The following FGL1 variants were observed in gnomAD, a reference collection of about 807,000 sequenced individuals.
FGL1 encodes fibrinogen like 1.
A neutral mutation model predicts 43.7 loss-of-function variants in FGL1; 59 were observed. The observed-to-expected ratio is 1.35, with a 90% CI of 1.10 to 1.68. The LOEUF (loss-of-function observed/expected upper bound fraction) is 1.68. Among genes scored for constraint, FGL1 ranks in the 40% most tolerant of loss-of-function variants. The probability of loss-of-function intolerance (pLI) is 0.00; values close to 1 mark genes in which losing one functional copy is unlikely to be tolerated. For synonymous variants in FGL1, 192 were observed against 126.5 expected (o/e 1.52, Z -3.48); for missense variants, 596 against 373.0 (o/e 1.60, Z -4.92).
chr8:17,886,721 G>A (rs2053633829), intron 1 of FGL1, among the ~76,000 whole-genome samples: 1 of 152,106 alleles, frequency 6.6e-6, no homozygotes, highest in African/African-American at 2.4e-5. Flanking sequence ...TCGTGCCAAT[G>A]CACTCCAGCC....
At chr8:17,874,332 A>T (rs1323001750) in intron 4 of FGL1, 30 bp downstream of exon 4, 4 of 1,596,586 alleles carry the variant, frequency 2.5e-6, no homozygotes, top group Non-Finnish European at 3.4e-6. Flanking sequence ...TTGCTGCTAC[A>T]TATAAAGTCT....
At chr8:17,877,892 G>A (rs1272109735) in intron 3 of FGL1, among the ~76,000 whole-genome samples, 2 of 152,128 alleles carry the variant, frequency 1.3e-5, no homozygotes, top group East Asian at 3.9e-4. Context: ...CTATAATAAT[G>A]TCCATAGATA....
At chr8:17,875,289 T>G (rs1354965961) in intron 3 of FGL1, among the ~76,000 whole-genome samples, 1 of 152,204 alleles carries the variant, frequency 6.6e-6, no homozygotes, top group East Asian at 1.9e-4. Context: ...TGTCAAAATC[T>G]TATAATCTCT....
At chr8:17,877,306 G>C (rs1298604980) in intron 3 of FGL1, among the ~76,000 whole-genome samples, 1 of 152,122 alleles carries the variant, frequency 6.6e-6, no homozygotes, top group Non-Finnish European at 1.5e-5. Flanking sequence ...CCTGCCTTCT[G>C]TTTTGACAAA....
chr8:17,882,853 T>TCTC (rs1227350426), intron 2 of FGL1, among the ~76,000 whole-genome samples: 12 of 118,526 alleles, frequency 1.0e-4, no homozygotes, highest in African/African-American at 4.4e-4. Flanking sequence ...ATATAATATA[T>TCTC]ATCATATATA....
At chr8:17,876,738 C>A (rs1042335799) in intron 3 of FGL1, among the ~76,000 whole-genome samples, 1 of 152,142 alleles carries the variant, frequency 6.6e-6, no homozygotes, top group East Asian at 1.9e-4. Flanking sequence ...TAAAGACTCA[C>A]AAGGATCAAA....
intron 7 of FGL1, 121 bp downstream of exon 7, chr8:17,868,427 A>T: frequency 1.4e-6 from 1 of 708,674 alleles, no homozygotes; most frequent in Non-Finnish European, 2.0e-6. Flanking sequence ...GAGAATGATT[A>T]CTTAATAATA....
At chr8:17,884,580 C>T (rs958974164) in intron 2 of FGL1, among the ~76,000 whole-genome samples, 1 of 152,106 alleles carries the variant, frequency 6.6e-6, no homozygotes, top group Non-Finnish European at 1.5e-5. Context: ...TTGCTTAGCA[C>T]CTTGAGTCAC....
rs549559008 is a variant in FGL1, at chr8:17,875,643, C to T, written c.245-1122G>A. On this transcript the variant is annotated intron_variant, in intron 3 of 7. Coordinates refer to ENST00000427924, the MANE Select transcript of FGL1 (RefSeq NM_004467.4). ...CCTTTGAGACAGAGTCTTGCTCTTT[C>T]GCCCAGGCTGGAGTGCAATGGTGCT... Among the ~76,000 whole-genome samples the T allele has an allele frequency of 2.2e-4, 34 of 151,126 alleles. No individual in the cohort carries two copies. The South Asian group carries it at 3.6e-3, about 16-fold the overall frequency.
At chr8:17,884,634 G>C (rs1457186897) in intron 2 of FGL1, among the ~76,000 whole-genome samples, 1 of 152,118 alleles carries the variant, frequency 6.6e-6, no homozygotes, top group African/African-American at 2.4e-5. Context: ...TGGTGTCTGG[G>C]TCCTGAGTTG....
intron 3 of FGL1, among the ~76,000 whole-genome samples, chr8:17,875,527 CTT>C (rs1370969896): frequency 0.014 from 166 of 12,028 alleles, 13 homozygotes; most frequent in African/African-American, 0.04. Context: ...TTCTTTCTTT[CTT>C]TCTTTCTCTT....
rs1249928844 is a variant in FGL1, at chr8:17,895,522, A to T, written c.-93T>A. 1 of 1,287,344 alleles carries T rather than the reference A, an allele frequency of 7.8e-7. No homozygotes were observed. The highest frequency in any genetic ancestry group is 2.3e-5 in the Admixed American group (1 of 43,468). 79.7% of individuals were successfully genotyped at this position (1,287,344 alleles called of 1,614,324 possible). On this transcript the variant is annotated 5_prime_UTR_variant, in exon 1 of 8. An upstream start codon of the reference 5' UTR is lost. Transcript: ENST00000427924. ...CTGCTTCCCAGGATCCTGTAACTGC[A>T]TTGGGAATTTGTAATTATTTCTCCA...
chr8:17,880,284 C>A (rs1422388726), intron 3 of FGL1, among the ~76,000 whole-genome samples: 1 of 152,076 alleles, frequency 6.6e-6, no homozygotes, highest in Admixed American at 6.6e-5. Flanking sequence ...AGATAAGGAT[C>A]TTGGTAGAAA....
chr8:17,869,987 G>A (rs909566285), intron 5 of FGL1, among the ~76,000 whole-genome samples: 2 of 152,140 alleles, frequency 1.3e-5, no homozygotes, highest in African/African-American at 4.8e-5. Context: ...GCGGGCACCT[G>A]TAGTCCCAGC....
intron 5 of FGL1, among the ~76,000 whole-genome samples, chr8:17,870,502 G>T (rs1295748646): frequency 1.3e-5 from 2 of 152,138 alleles, no homozygotes; most frequent in African/African-American, 4.8e-5. Context: ...GGAGTTTCAA[G>T]CCAGACCATG....
At chr8:17,889,228 T>A (rs2053671060) in intron 1 of FGL1, among the ~76,000 whole-genome samples, 1 of 152,188 alleles carries the variant, frequency 6.6e-6, no homozygotes, top group South Asian at 2.1e-4. Flanking sequence ...AACCATATTG[T>A]GTTTGTGTTT....
intron 1 of FGL1, chr8:17,891,886 T>G: frequency 1.7e-6 from 1 of 602,800 alleles, no homozygotes; most frequent in Non-Finnish European, 2.1e-6. Flanking sequence ...AAATATGTCA[T>G]GTCAATATGT....
intron 2 of FGL1, among the ~76,000 whole-genome samples, chr8:17,884,665 G>T (rs992604678): frequency 1.3e-5 from 2 of 152,086 alleles, no homozygotes; most frequent in Admixed American, 6.6e-5. Context: ...GTGGGGGATC[G>T]GTTGTGATAT....
At chr8:17,888,161 A>T (rs577091240) in intron 1 of FGL1, among the ~76,000 whole-genome samples, 3 of 152,220 alleles carry the variant, frequency 2.0e-5, no homozygotes, top group Admixed American at 6.5e-5. Context: ...GAGAAAATTA[A>T]CTTTCTGATA....
Sources: gnomAD v4.1 joint callset for allele counts (sites outside exome capture counted in the v4.1 genomes callset) on GRCh38, gnomAD v4.1.1 for gene constraint, MANE v1.5 for transcripts, NCBI Gene and HGNC (gene_info 2026-07-23, HGNC 2026-07-21) for gene names.